PCDHA10: variants seen among roughly 807,000 people sequenced by gnomAD.
PCDHA10 encodes the protein protocadherin alpha-10.
PCDHA10 carries 45 observed loss-of-function variants against 61.2 expected under a neutral mutation model. The observed-to-expected ratio is 0.74, with a 90% CI of 0.58 to 0.94. The LOEUF is 0.94. PCDHA10 is among the 40% of genes least tolerant of loss of function. PCDHA10 has a pLI of 0.00. For missense variants in PCDHA10, 1,278 were observed against 1,236.2 expected, an observed-to-expected ratio of 1.03 and a Z score of -0.51; for synonymous variants, 602 against 548.8, an observed-to-expected ratio of 1.10 and a Z score of -1.35.
chr5:140,992,436 G>A (rs782486395), intron 3 of PCDHA10, among the ~76,000 whole-genome samples: 10 of 152,186 alleles, frequency 6.6e-5, no homozygotes, highest in Non-Finnish European at 1.3e-4. Flanking sequence ...TGTTCCAAGA[G>A]TTGGGAGCAG....
intron 1 of PCDHA10, chr5:140,883,919 C>T (rs1554180590): frequency 1.2e-6 from 2 of 1,613,316 alleles, no homozygotes; most frequent in Non-Finnish European, 8.5e-7. Flanking sequence ...CAACGTGACG[C>T]TGCAGGTGTT....
intron 1 of PCDHA10, chr5:140,966,508 A>G (rs1288054154): frequency 9.2e-6 from 4 of 434,452 alleles, no homozygotes; most frequent in African/African-American, 4.1e-5. Context: ...TAGCGGCAGC[A>G]GCAGCAGGAA....
chr5:140,884,120 G>C, intron 1 of PCDHA10: 2 of 1,613,324 alleles, frequency 1.2e-6, no homozygotes, highest in South Asian at 2.2e-5. Flanking sequence ...GGCGGTCGGC[G>C]CGCGCATCCC....
chr5:140,944,881 T>C (rs1554216593), intron 1 of PCDHA10, among the ~76,000 whole-genome samples: 1 of 152,180 alleles, frequency 6.6e-6, no homozygotes, highest in Non-Finnish European at 1.5e-5. Flanking sequence ...CCTACTCCAC[T>C]GTACAGTTCC....
intron 1 of PCDHA10, among the ~76,000 whole-genome samples, chr5:140,902,752 C>A (rs782602670): frequency 2.0e-5 from 3 of 148,884 alleles, no homozygotes; most frequent in African/African-American, 7.3e-5. Flanking sequence ...TCCATTATAT[C>A]ATTCTTATGT....
intron 1 of PCDHA10, among the ~76,000 whole-genome samples, chr5:140,957,130 A>G (rs1554222831): frequency 6.6e-6 from 1 of 152,188 alleles, no homozygotes; most frequent in East Asian, 1.9e-4. Context: ...TCTTTACTAC[A>G]CTATGAACTA....
intron 1 of PCDHA10, among the ~76,000 whole-genome samples, chr5:140,888,562 G>T (rs781854673): frequency 6.6e-6 from 1 of 152,112 alleles, no homozygotes; most frequent in East Asian, 1.9e-4. Flanking sequence ...TCCTTTCAAG[G>T]CTTCATTTTA....
intron 1 of PCDHA10, chr5:140,877,449 G>A: frequency 1.2e-6 from 2 of 1,613,848 alleles, no homozygotes; most frequent in Non-Finnish European, 1.7e-6. Flanking sequence ...AGCCCGCGCT[G>A]ACGTCCACGG....
At chr5:140,875,268 A>G (rs1484025646) in intron 1 of PCDHA10, 4 of 1,218,994 alleles carry the variant, frequency 3.3e-6, no homozygotes, top group Non-Finnish European at 4.4e-6. Context: ...GTCGCTCTAC[A>G]CTCAGAAGGT....
chr5:140,870,954 G>A, intron 1 of PCDHA10: 1 of 1,613,632 alleles, frequency 6.2e-7, no homozygotes, highest in Non-Finnish European at 8.5e-7. Flanking sequence ...CGGGCGGCTC[G>A]CGCATCCCGT....
At chr5:140,944,406 C>A (rs1003379783) in intron 1 of PCDHA10, among the ~76,000 whole-genome samples, 1 of 152,084 alleles carries the variant, frequency 6.6e-6, no homozygotes, top group Non-Finnish European at 1.5e-5. Context: ...AGGCTGGTCT[C>A]GAACTCCTGA....
At chr5:140,877,468 C>T in intron 1 of PCDHA10, 1 of 1,613,808 alleles carries the variant, frequency 6.2e-7, no homozygotes, top group Non-Finnish European at 8.5e-7. Context: ...GGCCACGGTG[C>T]TGGTGTCGCT....
intron 2 of PCDHA10, 148 bp from the exon 3 acceptor site, chr5:140,982,327 C>T: frequency 7.0e-7 from 1 of 1,419,146 alleles, no homozygotes; most frequent in Non-Finnish European, 9.4e-7. Context: ...AGGGTGACTG[C>T]TCAGCAGTAA....
At chr5:140,924,751 C>T (rs1554202122) in intron 1 of PCDHA10, among the ~76,000 whole-genome samples, 39 of 151,566 alleles carry the variant, frequency 2.6e-4, no homozygotes, top group Non-Finnish European at 5.2e-4. Context: ...AAAAATTAAC[C>T]GAGCATGGTG....
intron 1 of PCDHA10, among the ~76,000 whole-genome samples, chr5:140,939,231 G>A (rs1305244022): frequency 6.6e-6 from 1 of 152,134 alleles, no homozygotes; most frequent in East Asian, 1.9e-4. Context: ...TCACCTTCTG[G>A]AAGGAGCAAG....
chr5:141,002,261 C>A (rs373363788), intron 3 of PCDHA10, among the ~76,000 whole-genome samples: 1 of 152,224 alleles, frequency 6.6e-6, no homozygotes, highest in East Asian at 1.9e-4. Context: ...CACTGAAATC[C>A]CAGAGCTGGT....
chr5:140,897,304 G>A (rs1297881439), intron 1 of PCDHA10, among the ~76,000 whole-genome samples: 1 of 150,768 alleles, frequency 6.6e-6, no homozygotes, highest in Non-Finnish European at 1.5e-5. Flanking sequence ...TTTAGCATTA[G>A]GTATATCTCC....
Position 140,858,130 on chromosome 5 carries a change from C to G in PCDHA10, c.2082C>G (p.Val694=), listed in dbSNP as rs1210306605. ...CGCCCGAGGTGGCCCTGGTGGATGT[C>G]AACGTGTACCTGATCATCGCCATCT... ...GVAPEVALVD[V]NVYLIIAICA... Residue 694 remains valine, a synonymous_variant, in exon 1 of 4, where the codon GTC becomes GTG. Transcript: ENST00000307360. 27 of 1,597,776 alleles carry G rather than the reference C, an allele frequency of 1.7e-5. 5 individuals carry two copies. The highest frequency in any genetic ancestry group is 2.3e-5 in the Non-Finnish European group (27 of 1,167,556).
At chr5:140,860,741 A>ATT (rs1466220052) in intron 1 of PCDHA10, 6 of 152,018 alleles carry the variant, frequency 3.9e-5, no homozygotes, top group African/African-American at 1.4e-4. Context: ...TTTGTTTTTT[A>ATT]TTTTTTATTT....
Sources: gnomAD v4.1 joint callset for allele counts (sites outside exome capture counted in the v4.1 genomes callset) on GRCh38, gnomAD v4.1.1 for gene constraint, MANE v1.5 for transcripts, NCBI Gene and HGNC (gene_info 2026-07-23, HGNC 2026-07-21) for gene names.